Variants in BRINP1 observed in about 807,000 individuals in gnomAD.
BRINP1 encodes the protein BMP/retinoic acid inducible neural specific 1, also known as BMP/retinoic acid-inducible neural-specific protein 1.
Under a neutral mutation model 72.9 loss-of-function variants are expected in BRINP1, and 17 were observed. The observed-to-expected ratio is 0.23, with a 90% CI of 0.16 to 0.35. BRINP1 has a LOEUF of 0.35. Ranked by LOEUF, BRINP1 falls within the 10% of genes least tolerant of loss-of-function variation. The pLI, the probability that BRINP1 is intolerant of heterozygous loss-of-function variation, is 1.00. For synonymous variants in BRINP1, 418 were observed against 378.5 expected (o/e 1.10, Z -1.21); for missense variants, 850 against 1,001.6 (o/e 0.85, Z 2.04).
chr9:119,183,081 G>GC (rs1829575726), intron 7 of BRINP1, among the ~76,000 whole-genome samples: 1 of 152,144 alleles, frequency 6.6e-6, no homozygotes, highest in African/African-American at 2.4e-5. Flanking sequence ...AACAAAACTT[G>GC]CATCAACAAA....
chr9:119,345,864 G>A (rs943527047), intron 1 of BRINP1, among the ~76,000 whole-genome samples: 1 of 152,084 alleles, frequency 6.6e-6, no homozygotes, highest in South Asian at 2.1e-4. Flanking sequence ...AACTCTATGA[G>A]GTGGTTTTTT....
At chr9:119,258,652 C>T (rs575117544) in intron 2 of BRINP1, among the ~76,000 whole-genome samples, 3 of 152,294 alleles carry the variant, frequency 2.0e-5, no homozygotes, top group South Asian at 2.1e-4. Context: ...GCCACAGCAC[C>T]ATTGGTGGCA....
At chr9:119,253,774 G>T (rs945456458) in intron 2 of BRINP1, among the ~76,000 whole-genome samples, 2 of 152,232 alleles carry the variant, frequency 1.3e-5, no homozygotes, top group Admixed American at 6.5e-5. Flanking sequence ...GTGTGTGTCT[G>T]TGTGTACCTG....
intron 5 of BRINP1, among the ~76,000 whole-genome samples, chr9:119,225,915 A>T (rs1029816916): frequency 1.3e-5 from 2 of 152,104 alleles, no homozygotes; most frequent in African/African-American, 4.8e-5. Context: ...AAGATTCAAA[A>T]CAAATCGATT....
At chr9:119,201,128 T>C (rs760947357) in intron 7 of BRINP1, among the ~76,000 whole-genome samples, 1 of 152,328 alleles carries the variant, frequency 6.6e-6, no homozygotes, top group Non-Finnish European at 1.5e-5. Flanking sequence ...TGTGACAAGA[T>C]TGAATTTGAA....
At chr9:119,276,260 A>G (rs573587397) in intron 2 of BRINP1, among the ~76,000 whole-genome samples, 3 of 152,376 alleles carry the variant, frequency 2.0e-5, no homozygotes, top group African/African-American at 7.2e-5. Context: ...ATGTTTAACT[A>G]TCAAAGCAAT....
intron 2 of BRINP1, among the ~76,000 whole-genome samples, chr9:119,291,110 T>C (rs1830817732): frequency 7.3e-6 from 1 of 137,582 alleles, no homozygotes; most frequent in Admixed American, 7.6e-5. Context: ...GCGACAAGAA[T>C]GAACTCCATC....
At chr9:119,206,484 A>G (rs1441498631) in intron 7 of BRINP1, among the ~76,000 whole-genome samples, 1 of 151,896 alleles carries the variant, frequency 6.6e-6, no homozygotes, top group East Asian at 1.9e-4. Context: ...ACACAGAGGA[A>G]AGACTACGTG....
At chr9:119,293,380 G>A (rs942319663) in intron 2 of BRINP1, among the ~76,000 whole-genome samples, 3 of 151,554 alleles carry the variant, frequency 2.0e-5, no homozygotes, top group South Asian at 2.1e-4. Context: ...TTATCCTTAC[G>A]CATGAATAAG....
At chr9:119,225,993 A>G (rs950677779) in intron 5 of BRINP1, among the ~76,000 whole-genome samples, 1 of 152,114 alleles carries the variant, frequency 6.6e-6, no homozygotes, top group Non-Finnish European at 1.5e-5. Flanking sequence ...ACACTATGAG[A>G]AAGAGAAGCA....
chr9:119,325,535 A>G (rs753949602), intron 1 of BRINP1, among the ~76,000 whole-genome samples: 1 of 151,648 alleles, frequency 6.6e-6, no homozygotes, highest in African/African-American at 2.4e-5. Context: ...GCAATCTTAC[A>G]CTCTTCCCTT....
At chr9:119,342,426 A>G (rs1163226644) in intron 1 of BRINP1, among the ~76,000 whole-genome samples, 1 of 152,206 alleles carries the variant, frequency 6.6e-6, no homozygotes, top group Non-Finnish European at 1.5e-5. Flanking sequence ...AGACAAAGAA[A>G]CAGAGACACA....
chr9:119,305,790 C>A (rs1830990569), intron 2 of BRINP1, among the ~76,000 whole-genome samples: 1 of 152,156 alleles, frequency 6.6e-6, no homozygotes, highest in African/African-American at 2.4e-5. Flanking sequence ...TCAGTCTCCC[C>A]CAAAGAGACC....
At chr9:119,179,000 T>C (rs983918326) in intron 7 of BRINP1, among the ~76,000 whole-genome samples, 3 of 152,132 alleles carry the variant, frequency 2.0e-5, no homozygotes, top group African/African-American at 7.2e-5. Context: ...TCACAGATAA[T>C]TGGGGCTCCC....
At chr9:119,280,912 C>G (rs1156686175) in intron 2 of BRINP1, among the ~76,000 whole-genome samples, 3 of 152,144 alleles carry the variant, frequency 2.0e-5, no homozygotes, top group Non-Finnish European at 4.4e-5. Flanking sequence ...TCAACCATGC[C>G]TTGAAGACTG....
At chr9:119,180,514 TGTTAAA>T (rs1829544382) in intron 7 of BRINP1, among the ~76,000 whole-genome samples, 1 of 140,070 alleles carries the variant, frequency 7.1e-6, no homozygotes, top group South Asian at 2.3e-4. Context: ...TGTGTGTGTG[TGTTAAA>T]GAAGTGGTAT....
At chr9:119,248,763 T>C (rs908990352) in intron 3 of BRINP1, among the ~76,000 whole-genome samples, 197 bp downstream of exon 3, 4 of 152,202 alleles carry the variant, frequency 2.6e-5, no homozygotes, top group Non-Finnish European at 4.4e-5. Context: ...AATTAGACTG[T>C]CCCATAGAAC....
chr9:119,349,726 G>A (rs1831486996), intron 1 of BRINP1, among the ~76,000 whole-genome samples: 1 of 152,166 alleles, frequency 6.6e-6, no homozygotes, highest in South Asian at 2.1e-4. Flanking sequence ...TAAGATTTAT[G>A]TGGGTTCGGG....
At chr9:119,320,252 G>A (rs1831171793) in intron 1 of BRINP1, among the ~76,000 whole-genome samples, 1 of 152,076 alleles carries the variant, frequency 6.6e-6, no homozygotes, top group Admixed American at 6.6e-5. Context: ...AGGGCCCTGA[G>A]GCAGCTGATC....
Sources: allele counts gnomAD v4.1 joint callset (sites outside exome capture counted in the v4.1 genomes callset), GRCh38; gene constraint gnomAD v4.1.1; transcripts MANE v1.5; gene names NCBI Gene and HGNC (gene_info 2026-07-23, HGNC 2026-07-21).